The following NPLOC4 variants were observed in gnomAD, a reference collection of about 807,000 sequenced individuals.
The protein encoded by NPLOC4 is nuclear protein localization protein 4 homolog.
Under a neutral mutation model 80.6 loss-of-function variants are expected in NPLOC4, and 18 were observed. The observed-to-expected ratio is 0.22, with a 90% CI of 0.15 to 0.33. NPLOC4 has a LOEUF of 0.33. NPLOC4 is among the 10% of genes least tolerant of loss of function. NPLOC4 has a pLI of 1.00. For missense variants in NPLOC4, 540 were observed against 786.1 expected (o/e 0.69, Z 3.74); for synonymous variants, 313 against 301.5 (o/e 1.04, Z -0.39).
At chr17:81,631,421 C>CATATATATATATATATATATATATAT (rs1415379403) in intron 1 of NPLOC4, among the ~76,000 whole-genome samples, 1 of 49,474 alleles carries the variant, frequency 2.0e-5, no homozygotes, top group African/African-American at 1.1e-4. Flanking sequence ...TTAAAGTGTA[C>CATATATATATATATATATATATATAT]ATATATATAT....
In NPLOC4 at chr17:81,591,193, G is replaced by A. The variant is rs535877873; in HGVS notation, c.1121-2089C>T. 2.0e-5 allele frequency among the ~76,000 whole-genome samples: 3 copies of A among 152,232 alleles called. No homozygotes were observed. The East Asian group carries it at 5.8e-4, about 29-fold the overall frequency. On this transcript the variant is annotated intron_variant, in intron 11 of 16. Transcript: ENST00000331134. ...TTCACGCCTGTAATTCCAGCACTTT[G>A]GGAGGCCGAGGCAGGCAGATCACCT...
At chr17:81,605,511 G>A (rs2035179926) in intron 7 of NPLOC4, among the ~76,000 whole-genome samples, 1 of 151,698 alleles carries the variant, frequency 6.6e-6, no homozygotes, top group Non-Finnish European at 1.5e-5. Flanking sequence ...AGCCAGGCAT[G>A]GTGGCTCATG....
At chr17:81,587,361 G>A (rs1036303604) in intron 12 of NPLOC4, among the ~76,000 whole-genome samples, 1 of 151,762 alleles carries the variant, frequency 6.6e-6, no homozygotes, top group Non-Finnish European at 1.5e-5. Flanking sequence ...TGTCACCCAG[G>A]CTGGAGTGCA....
intron 3 of NPLOC4, among the ~76,000 whole-genome samples, chr17:81,620,540 T>C (rs954445075): frequency 6.6e-6 from 1 of 152,062 alleles, no homozygotes; most frequent in African/African-American, 2.4e-5. Context: ...TGATTACTGT[T>C]AGGGAAGCTT....
In NPLOC4 at chr17:81,572,196, A is replaced by AT; in HGVS notation, c.1282-109dup. ...ATTTAATTAATTAATTTATTTATTT[A>AT]TTTATTTTTTGAGACAGAGTCTTGT... On this transcript the variant is annotated intron_variant, in intron 12 of 16. Coordinates refer to ENST00000331134, the MANE Select transcript of NPLOC4 (RefSeq NM_017921.4). This position sits in a 1 kb window ranked among gnomAD's most constrained non-coding sequence, Gnocchi z 4.5. 1.9e-6 allele frequency: 1 copy of AT among 529,928 alleles called. No homozygotes were observed. Among genetic ancestry groups the AT allele is most frequent in the Non-Finnish European group, 2.9e-6 (1 of 348,630 alleles). 32.8% of individuals were successfully genotyped at this position (529,928 alleles called of 1,614,324 possible). A position where few individuals can be genotyped will look rare whatever the true frequency, so the allele number is the denominator to read the frequency against.
intron 16 of NPLOC4, among the ~76,000 whole-genome samples, chr17:81,560,410 C>T (rs1439926892): frequency 6.7e-6 from 1 of 148,894 alleles, no homozygotes; most frequent in African/African-American, 2.5e-5. Flanking sequence ...GAGACTCCAT[C>T]TCAAAAACAA....
chr17:81,618,958 T>C (rs1470046712), intron 3 of NPLOC4, among the ~76,000 whole-genome samples: 3 of 151,916 alleles, frequency 2.0e-5, no homozygotes, highest in Non-Finnish European at 4.4e-5. Context: ...GTTAAATGGA[T>C]TAAGGGCGGT....
chr17:81,620,420 C>T (rs570464445), intron 3 of NPLOC4, among the ~76,000 whole-genome samples: 8 of 151,994 alleles, frequency 5.3e-5, no homozygotes, highest in Admixed American at 6.6e-5. Flanking sequence ...TGCTTGAACC[C>T]GGGAGGCAGA....
chr17:81,624,406 GAAACTCCGTCTCAAA>G (rs2035744242), intron 2 of NPLOC4, among the ~76,000 whole-genome samples: 1 of 152,022 alleles, frequency 6.6e-6, no homozygotes, highest in African/African-American at 2.4e-5. Flanking sequence ...CGACAAGAGT[GAAACTCCGTCTCAAA>G]AAAACAAAAA....
intron 3 of NPLOC4, among the ~76,000 whole-genome samples, chr17:81,619,375 T>G (rs139804465): frequency 8.3e-4 from 122 of 147,140 alleles, no homozygotes; most frequent in African/African-American, 2.8e-3. Flanking sequence ...AGACTCCGTC[T>G]CAAAAAACAA....
chr17:81,563,393 GA>G (rs113116451), intron 16 of NPLOC4: 35 of 142,752 alleles, frequency 2.5e-4, no homozygotes, highest in Middle Eastern at 3.6e-3. Flanking sequence ...ATCTCTTAAA[GA>G]AAAAAAAAAA....
intron 12 of NPLOC4, among the ~76,000 whole-genome samples, chr17:81,574,234 G>A (rs1181211584): frequency 2.6e-5 from 4 of 152,196 alleles, no homozygotes; most frequent in Non-Finnish European, 2.9e-5. Flanking sequence ...TCCAGCACCT[G>A]TTCACTTTAA....
intron 14 of NPLOC4, among the ~76,000 whole-genome samples, chr17:81,568,446 T>C (rs1328538009): frequency 2.6e-5 from 4 of 152,364 alleles, no homozygotes; most frequent in Admixed American, 1.3e-4. Context: ...AACCTCATTA[T>C]AGACATTCTT....
intron 3 of NPLOC4, among the ~76,000 whole-genome samples, chr17:81,619,538 G>C (rs953228326): frequency 1.8e-5 from 2 of 114,140 alleles, no homozygotes; most frequent in African/African-American, 6.9e-5. Flanking sequence ...CAACAAGAAT[G>C]AAACTCTGTC....
At chr17:81,610,032 A>C (rs2035301761) in intron 5 of NPLOC4, among the ~76,000 whole-genome samples, 178 bp downstream of exon 5, 1 of 152,172 alleles carries the variant, frequency 6.6e-6, no homozygotes, top group South Asian at 2.1e-4. Flanking sequence ...CCCATAAATA[A>C]AGGCTCGTCC....
At chr17:81,559,836 G>T (rs367697592) in intron 16 of NPLOC4, among the ~76,000 whole-genome samples, 2 of 149,748 alleles carry the variant, frequency 1.3e-5, no homozygotes, top group Non-Finnish European at 3.0e-5. Flanking sequence ...GGGTTCAAGC[G>T]GTTTTCCTGC....
chr17:81,561,132 TA>T (rs2033838058), intron 16 of NPLOC4, among the ~76,000 whole-genome samples: 1 of 152,142 alleles, frequency 6.6e-6, no homozygotes, highest in African/African-American at 2.4e-5. Flanking sequence ...TAATTTTTTT[TA>T]TTTTTAGTAG....
chr17:81,563,640 G>A (rs530119627), intron 16 of NPLOC4: 49 of 250,452 alleles, frequency 2.0e-4, no homozygotes, highest in Non-Finnish European at 3.2e-4. Flanking sequence ...AAAGGGCTGG[G>A]TGCAGTGGCT....
chr17:81,619,201 T>A (rs1048916983), intron 3 of NPLOC4, among the ~76,000 whole-genome samples: 6 of 138,264 alleles, frequency 4.3e-5, no homozygotes, highest in African/African-American at 1.1e-4. Flanking sequence ...AATGATCAAT[T>A]AAAAAAAAAA....
Sources: allele counts gnomAD v4.1 joint callset (sites outside exome capture counted in the v4.1 genomes callset), GRCh38; gene constraint gnomAD v4.1.1; non-coding constraint Gnocchi (gnomAD v3.1); transcripts MANE v1.5; gene names NCBI Gene and HGNC (gene_info 2026-07-23, HGNC 2026-07-21).